Variants in COL12A1 observed in about 807,000 individuals in gnomAD.
COL12A1 encodes the protein collagen alpha-1(XII) chain.
In COL12A1, 114 loss-of-function variants were observed where a neutral mutation model predicts 349.7. That is an observed-to-expected ratio of 0.33 (90% CI 0.28 to 0.38). COL12A1 has a LOEUF of 0.38. COL12A1 is among the 10% of genes least tolerant of loss of function. The probability of loss-of-function intolerance (pLI) is 1.00; values close to 1 mark genes in which losing one functional copy is unlikely to be tolerated. For missense variants in COL12A1, 3,284 were observed against 3,756.9 expected (o/e 0.87, Z 3.29); for synonymous variants, 1,369 against 1,329.0 (o/e 1.03, Z -0.66).
Position 75,156,538 on chromosome 6 carries a change from G to A in COL12A1, c.2984-15C>T. ...ATCTTGAGATACTGGGAGATAAAAG[G>A]AAGATTAAACTGTATACCATGTTGA... On this transcript the variant is annotated splice_polypyrimidine_tract_variant and intron_variant, in intron 14 of 65. Transcript: ENST00000322507. 11 of 1,611,860 alleles carry A rather than the reference G, an allele frequency of 6.8e-6. No homozygotes were observed. Among genetic ancestry groups the A allele is most frequent in the African/African-American group, 1.3e-5 (1 of 74,932 alleles).
At chr6:75,103,311 G>A (rs531414903) in intron 55 of COL12A1, among the ~76,000 whole-genome samples, 1 of 152,298 alleles carries the variant, frequency 6.6e-6, no homozygotes, top group East Asian at 1.9e-4. Context: ...TTGTCTTACA[G>A]AAAACCAGTG....
intron 27 of COL12A1, 109 bp from the exon 28 acceptor site, chr6:75,139,070 T>C (rs1293615401): frequency 1.2e-5 from 15 of 1,256,790 alleles, no homozygotes; most frequent in African/African-American, 4.5e-5. Flanking sequence ...TGAAAACTGA[T>C]TGAATACATT....
At position 75,090,059 on chromosome 6, in the gene COL12A1, A is replaced by G; in HGVS notation, c.8941+51T>C. 2 of 1,595,804 alleles carry G rather than the reference A, an allele frequency of 1.3e-6. No homozygotes were observed. Among genetic ancestry groups the G allele is most frequent in the Non-Finnish European group, 1.7e-6 (2 of 1,167,598 alleles). On this transcript the variant is annotated intron_variant, in intron 63 of 65. Coordinates refer to ENST00000322507, the MANE Select transcript of COL12A1 (RefSeq NM_004370.6). This position sits in a 1 kb window ranked among gnomAD's most constrained non-coding sequence, Gnocchi z 4.1. ...ATGCCTTCAACCTGTCCCAACTCCTACATTTGCAAATTCCTTCCTTTATCC... is the reference window on the plus strand; with the variant it reads ...ATGCCTTCAACCTGTCCCAACTCCTGCATTTGCAAATTCCTTCCTTTATCC...
At chr6:75,134,144 G>GT in intron 32 of COL12A1, 147 bp from the exon 33 acceptor site, 1 of 845,400 alleles carries the variant, frequency 1.2e-6, no homozygotes, top group Middle Eastern at 3.4e-4. Flanking sequence ...GACACACACT[G>GT]TGTCCGCGTC....
At chr6:75,134,050 T>G (rs1176274076) in intron 32 of COL12A1, 53 bp from the exon 33 acceptor site, 2 of 1,568,014 alleles carry the variant, frequency 1.3e-6, no homozygotes, top group Admixed American at 1.9e-5. Flanking sequence ...CAAGCACACA[T>G]GAAACACAGA....
At chr6:75,151,758 G>GA (rs1292099708) in intron 20 of COL12A1, 109 bp downstream of exon 20, 14 of 1,191,340 alleles carry the variant, frequency 1.2e-5, no homozygotes, top group African/African-American at 4.6e-5. Context: ...TTATGTGATA[G>GA]AAAAAAATGG....
rs374531525 is a variant in COL12A1, at chr6:75,165,610, C to T, written c.2880G>A (p.Thr960=). 6.1e-5 allele frequency: 98 copies of T among 1,613,832 alleles called. No homozygotes were observed. The highest frequency in any genetic ancestry group is 7.7e-5 in the Non-Finnish European group (91 of 1,179,918). Reference sequence around the variant, plus strand: ...TCTCTGGCTGCAGATTTTCTATCATCGTATGAATTGCATCTTCAGGCAGAT... The same window carrying T: ...TCTCTGGCTGCAGATTTTCTATCATTGTATGAATTGCATCTTCAGGCAGAT... ...EKNLPEDAIH[T]MIENLQPETK... is the part of the protein sequence containing the mutation. Residue 960 remains threonine, a synonymous_variant, in exon 14 of 66, where the codon ACG becomes ACA. Coordinates refer to ENST00000322507, the MANE Select transcript of COL12A1 (RefSeq NM_004370.6).
intron 58 of COL12A1, among the ~76,000 whole-genome samples, chr6:75,101,081 C>A (rs1186283694): frequency 1.6e-4 from 24 of 152,118 alleles, no homozygotes; most frequent in Admixed American, 1.1e-3. Flanking sequence ...CAAGACCAAA[C>A]CTGAAAGCTG....
chr6:75,100,978 T>C (rs1768277845), intron 58 of COL12A1, among the ~76,000 whole-genome samples: 1 of 152,198 alleles, frequency 6.6e-6, no homozygotes, highest in South Asian at 2.1e-4. Context: ...TTTCACATTA[T>C]TGATGAACAG....
intron 12 of COL12A1, among the ~76,000 whole-genome samples, chr6:75,175,644 C>T (rs1768899526): frequency 1.3e-5 from 2 of 152,156 alleles, no homozygotes; most frequent in African/African-American, 4.8e-5. Flanking sequence ...AAAATATATA[C>T]ACATTGATTA....
At chr6:75,148,067 C>A (rs1207987239) in intron 22 of COL12A1, among the ~76,000 whole-genome samples, 1 of 152,032 alleles carries the variant, frequency 6.6e-6, no homozygotes, top group Non-Finnish European at 1.5e-5. Flanking sequence ...GATTCTACTA[C>A]AAATTCATAA....
intron 3 of COL12A1, among the ~76,000 whole-genome samples, chr6:75,193,978 G>A (rs929001370): frequency 2.0e-5 from 3 of 151,976 alleles, no homozygotes; most frequent in Admixed American, 6.6e-5. Context: ...GTCTATCATC[G>A]ATGGACATTT....
chr6:75,123,493 G>A, intron 42 of COL12A1, 89 bp from the exon 43 acceptor site: 1 of 1,050,372 alleles, frequency 9.5e-7, no homozygotes, highest in Middle Eastern at 2.9e-4. Flanking sequence ...TTAAATCCTG[G>A]ATACCAAATC....
chr6:75,185,395 A>G (rs1769559119), intron 8 of COL12A1, among the ~76,000 whole-genome samples: 1 of 152,212 alleles, frequency 6.6e-6, no homozygotes, highest in African/African-American at 2.4e-5. Context: ...ATAGAATAAA[A>G]TACCTAGGAA....
chr6:75,197,416 G>A (rs754065445), intron 2 of COL12A1, among the ~76,000 whole-genome samples: 1 of 151,324 alleles, frequency 6.6e-6, no homozygotes, highest in African/African-American at 2.4e-5. Context: ...AGGTTCAAGC[G>A]ATTCTCCTGC....
At chr6:75,175,801 GA>G (rs1163067770) in intron 12 of COL12A1, among the ~76,000 whole-genome samples, 3 of 152,182 alleles carry the variant, frequency 2.0e-5, no homozygotes, top group East Asian at 1.9e-4. Context: ...TCCCTAGGGG[GA>G]AAAAAAGTAA....
rs1053724677 is a variant in COL12A1, at chr6:75,085,278, T to G, written c.*1269A>C. Reference sequence around the variant, plus strand: ...TGCAGGCTCGTCTGCGCCGTAGTCCTCGTATTCCGCTGTCCGCTCGGGCTC... The same window carrying G: ...TGCAGGCTCGTCTGCGCCGTAGTCCGCGTATTCCGCTGTCCGCTCGGGCTC... On this transcript the variant is annotated 3_prime_UTR_variant, in exon 66 of 66. Coordinates refer to ENST00000322507, the MANE Select transcript of COL12A1 (RefSeq NM_004370.6). 2.1e-6 allele frequency: 1 copy of G among 470,904 alleles called. No individual in the cohort carries two copies. The highest frequency in any genetic ancestry group is 2.0e-5 in the African/African-American group (1 of 50,078). 29.2% of individuals were successfully genotyped at this position (470,904 alleles called of 1,614,324 possible). A position where few individuals can be genotyped will look rare whatever the true frequency, so the allele number is the denominator to read the frequency against.
chr6:75,183,457 T>C lies in COL12A1; in HGVS notation c.1484A>G (p.Lys495Arg). 6.2e-7 allele frequency: 1 copy of C among 1,614,208 alleles called. No homozygotes were observed. The highest frequency in any genetic ancestry group is 8.5e-7 in the Non-Finnish European group (1 of 1,180,032). ...SRDPHTEFTLKKFTKVEDIIE... is the reference protein window; with the variant it reads ...SRDPHTEFTLRKFTKVEDIIE... ...TATATCTTCAACTTTGGTGAATTTT[T>C]TCAAAGTGAACTCAGTATGAGGATC... Residue 495 changes from lysine to arginine, a missense_variant, in exon 10 of 66, where the codon AAA (lysine) becomes AGA (arginine). Physicochemically the swap from Lys to Arg is conservative, Grantham distance 26 (BLOSUM62 2). Coordinates refer to ENST00000322507, the MANE Select transcript of COL12A1 (RefSeq NM_004370.6).
rs1224244960 is a variant in COL12A1, at chr6:75,088,937, C to T, written c.9010+169G>A. Among the ~76,000 whole-genome samples, 4 of 151,284 alleles carry T rather than the reference C, an allele frequency of 2.6e-5. No homozygotes were observed. The South Asian group carries it at 6.3e-4, about 24-fold the overall frequency. On this transcript the variant is annotated intron_variant, in intron 64 of 65. Coordinates refer to ENST00000322507, the MANE Select transcript of COL12A1 (RefSeq NM_004370.6). ...AATGGCGTGAACCCAGGAGGTGGAG[C>T]TTGCAGTGAGCCAAGATCGCGCCAC...
Sources: gnomAD v4.1 joint callset for allele counts (sites outside exome capture counted in the v4.1 genomes callset) on GRCh38, gnomAD v4.1.1 for gene constraint, Gnocchi (gnomAD v3.1) non-coding constraint, MANE v1.5 for transcripts, NCBI Gene and HGNC (gene_info 2026-07-23, HGNC 2026-07-21) for gene names.